Variants in APBA1 observed in about 807,000 individuals in gnomAD.
APBA1 encodes the protein amyloid beta precursor protein binding family A member 1.
Under a neutral mutation model 86.6 loss-of-function variants are expected in APBA1, and 55 were observed. The observed-to-expected ratio is 0.64, with a 90% CI of 0.51 to 0.80. The LOEUF (loss-of-function observed/expected upper bound fraction) is 0.80, where lower values mean the gene tolerates loss of function less well. Ranked by LOEUF, APBA1 falls within the 30% of genes least tolerant of loss-of-function variation. The pLI, the probability that APBA1 is intolerant of heterozygous loss-of-function variation, is 0.00. For synonymous variants in APBA1, 511 were observed against 493.9 expected, an observed-to-expected ratio of 1.03 and a Z score of -0.46; for missense variants, 1,090 against 1,183.0, an observed-to-expected ratio of 0.92 and a Z score of 1.15.
At chr9:69,471,763 C>T in intron 3 of APBA1, 68 bp from the exon 4 acceptor site, 2 of 1,251,242 alleles carry the variant, frequency 1.6e-6, no homozygotes, top group South Asian at 1.2e-5. Context: ...CACAATCATC[C>T]ATGCAACATG....
chr9:69,641,101 G>C (rs78132360), intron 1 of APBA1, among the ~76,000 whole-genome samples: 1 of 152,228 alleles, frequency 6.6e-6, no homozygotes, highest in East Asian at 1.9e-4. Context: ...ACTAATAACT[G>C]AGTTTAACAA....
At chr9:69,525,589 CACAA>C (rs1327952690) in intron 1 of APBA1, among the ~76,000 whole-genome samples, 8 of 151,640 alleles carry the variant, frequency 5.3e-5, no homozygotes, top group Non-Finnish European at 8.8e-5. Context: ...TCATAGATGA[CACAA>C]ACAAAGGGTA....
At chr9:69,547,776 T>C (rs1836721556) in intron 1 of APBA1, among the ~76,000 whole-genome samples, 2 of 152,214 alleles carry the variant, frequency 1.3e-5, no homozygotes, top group East Asian at 1.9e-4. Flanking sequence ...GATCCAAGCT[T>C]TCCCCATTTC....
chr9:69,671,833 T>C (rs2134036404), intron 1 of APBA1, among the ~76,000 whole-genome samples: 1 of 152,186 alleles, frequency 6.6e-6, no homozygotes, highest in East Asian at 1.9e-4. Flanking sequence ...CCCTCTGCTG[T>C]ACCTTTTACA....
intron 1 of APBA1, among the ~76,000 whole-genome samples, chr9:69,527,323 A>G (rs1184147363): frequency 6.6e-6 from 1 of 152,122 alleles, no homozygotes; most frequent in Non-Finnish European, 1.5e-5. Context: ...AAGGCTATGT[A>G]GGGTTGGAAA....
At chr9:69,520,074 A>G (rs1024948006) in intron 1 of APBA1, among the ~76,000 whole-genome samples, 1 of 152,218 alleles carries the variant, frequency 6.6e-6, no homozygotes, top group Non-Finnish European at 1.5e-5. Flanking sequence ...TTTACACACC[A>G]TCATGTTTCC....
chr9:69,663,528 T>A (rs567680032), intron 1 of APBA1, among the ~76,000 whole-genome samples: 99 of 152,364 alleles, frequency 6.5e-4, no homozygotes, highest in African/African-American at 2.3e-3. Context: ...AATTTATACA[T>A]ACTTTGGCAA....
intron 1 of APBA1, among the ~76,000 whole-genome samples, chr9:69,530,207 T>A: frequency 6.6e-6 from 1 of 151,812 alleles, no homozygotes; most frequent in Non-Finnish European, 1.5e-5. Context: ...ACACATGCAC[T>A]TATATGTTCA....
intron 1 of APBA1, among the ~76,000 whole-genome samples, chr9:69,662,961 T>C (rs549742691): frequency 6.6e-6 from 1 of 152,388 alleles, no homozygotes; most frequent in East Asian, 1.9e-4. Flanking sequence ...CTGTGATTAC[T>C]GCATCATTTG....
intron 1 of APBA1, among the ~76,000 whole-genome samples, chr9:69,611,062 T>C (rs1822575611): frequency 6.6e-6 from 1 of 151,908 alleles, no homozygotes; most frequent in Non-Finnish European, 1.5e-5. Flanking sequence ...GTTGTTGTTG[T>C]TTTAAGTCTG....
intron 4 of APBA1, among the ~76,000 whole-genome samples, chr9:69,471,018 A>G (rs1184825393): frequency 6.6e-6 from 1 of 152,188 alleles, no homozygotes; most frequent in African/African-American, 2.4e-5. Flanking sequence ...CTGCCAATTC[A>G]TAGCCTGGGT....
chr9:69,561,116 G>A (rs935849002), intron 1 of APBA1, among the ~76,000 whole-genome samples: 1 of 152,134 alleles, frequency 6.6e-6, no homozygotes, highest in African/African-American at 2.4e-5. Flanking sequence ...ATTTTCCAGG[G>A]TTTGGTGAAA....
At chr9:69,543,814 C>T (rs999853166) in intron 1 of APBA1, among the ~76,000 whole-genome samples, 2 of 152,172 alleles carry the variant, frequency 1.3e-5, no homozygotes, top group Non-Finnish European at 2.9e-5. Flanking sequence ...TGCATCTCTC[C>T]AATTTGCTAG....
intron 2 of APBA1, among the ~76,000 whole-genome samples, chr9:69,501,553 C>A (rs1411185681): frequency 6.6e-6 from 1 of 151,600 alleles, no homozygotes; most frequent in Non-Finnish European, 1.5e-5. Context: ...TGTAATATGA[C>A]ACTTTGAGAG....
At chr9:69,514,029 T>C (rs1026422590) in intron 2 of APBA1, among the ~76,000 whole-genome samples, 5 of 152,204 alleles carry the variant, frequency 3.3e-5, no homozygotes, top group Admixed American at 6.5e-5. Context: ...AGAATCTTTA[T>C]AGCAAACGAG....
Position 69,516,114 on chromosome 9 carries a change from C to T in APBA1, c.1097G>A (p.Arg366His), listed in dbSNP as rs750009546. The T allele has an allele frequency of 1.2e-6, 2 of 1,613,656 alleles. No homozygotes were observed. The highest frequency in any genetic ancestry group is 1.7e-6 in the Non-Finnish European group (2 of 1,179,756). ...GGGCTCGTCGGGGGTGTAAGGCGAA[C>T]GGATGGTCCTGGTTTTCACCTCCTC... ...AIEEVKTRTI[R>H]SPYTPDEPKE... Residue 366 changes from arginine to histidine, a missense_variant, in exon 2 of 13, where the codon CGT (arginine) becomes CAT (histidine). Arg to His is a conservative substitution (Grantham distance 29, BLOSUM62 0). Around this residue, in one of 6 missense-constraint regions of APBA1, gnomAD observed 678 missense variants for 647.1 expected, o/e 1.05. Coordinates refer to ENST00000265381, the MANE Select transcript of APBA1 (RefSeq NM_001163.4). This position sits in a 1 kb window ranked among gnomAD's most constrained non-coding sequence, Gnocchi z 7.3.
At chr9:69,549,520 T>C (rs1440418479) in intron 1 of APBA1, among the ~76,000 whole-genome samples, 1 of 152,190 alleles carries the variant, frequency 6.6e-6, no homozygotes, top group Non-Finnish European at 1.5e-5. Context: ...CTTCACACTC[T>C]ATCAGAATCA....
intron 1 of APBA1, among the ~76,000 whole-genome samples, chr9:69,671,041 C>T (rs376557517): frequency 2.0e-4 from 30 of 152,246 alleles, no homozygotes; most frequent in African/African-American, 6.5e-4. Flanking sequence ...CGCCCCACCG[C>T]ATCTCTCTAT....
chr9:69,541,073 T>A (rs544646813), intron 1 of APBA1, among the ~76,000 whole-genome samples: 3 of 152,368 alleles, frequency 2.0e-5, no homozygotes, highest in African/African-American at 7.2e-5. Context: ...TATCACATTT[T>A]ATTTATACAG....
Sources: gnomAD v4.1 joint callset for allele counts (sites outside exome capture counted in the v4.1 genomes callset) on GRCh38, gnomAD v4.1.1 for gene constraint, gnomAD v4.1.1 regional missense constraint, Gnocchi (gnomAD v3.1) non-coding constraint, MANE v1.5 for transcripts, NCBI Gene and HGNC (gene_info 2026-07-23, HGNC 2026-07-21) for gene names.